Variants in ETV4 observed in about 807,000 individuals in gnomAD.
ETV4 encodes ETS variant transcription factor 4, also known as ETS translocation variant 4.
A neutral mutation model predicts 65.9 loss-of-function variants in ETV4; 42 were observed. The ratio of observed to expected loss-of-function variants is 0.64; its 90% CI spans 0.50 to 0.82. ETV4 has a LOEUF of 0.82. Ranked by LOEUF, ETV4 falls within the 40% of genes least tolerant of loss-of-function variation. The probability of loss-of-function intolerance (pLI) is 0.00; values close to 1 mark genes in which losing one functional copy is unlikely to be tolerated. For missense variants in ETV4, 583 were observed against 630.3 expected (o/e 0.92, Z 0.80); for synonymous variants, 238 against 260.0 (o/e 0.92, Z 0.81).
chr17:43,542,982 A>G (rs1181556157), intron 4 of ETV4, among the ~76,000 whole-genome samples: 1 of 152,070 alleles, frequency 6.6e-6, no homozygotes, highest in East Asian at 1.9e-4. Flanking sequence ...TGGTGGGAAG[A>G]GACAGGAGAG....
rs1396223176 is a variant in ETV4, at chr17:43,543,908, G to A, written c.202+1067C>T. The A allele has an allele frequency of 3.9e-5, 6 of 152,006 alleles. 1 individual carries two copies. The highest frequency in any genetic ancestry group is 3.9e-4 in the Admixed American group (6 of 15,252). 9.4% of individuals were successfully genotyped at this position (152,006 alleles called of 1,614,324 possible). On this transcript the variant is annotated intron_variant, in intron 4 of 12. Coordinates refer to ENST00000319349, the MANE Select transcript of ETV4 (RefSeq NM_001079675.5). Reference sequence around the variant, plus strand: ...GTCTCACTCCAAGGATCTAGTCAGGGGTCATTTTCTTTTTACTCCGAGCTT... The same window carrying A: ...GTCTCACTCCAAGGATCTAGTCAGGAGTCATTTTCTTTTTACTCCGAGCTT...
At chr17:43,534,952 A>G (rs1386096584) in intron 5 of ETV4, among the ~76,000 whole-genome samples, 1 of 152,180 alleles carries the variant, frequency 6.6e-6, no homozygotes, top group Non-Finnish European at 1.5e-5. Context: ...TAAATAAATA[A>G]ATAAAAGAAT....
chr17:43,538,889 G>C (rs1444807945), intron 4 of ETV4, among the ~76,000 whole-genome samples: 1 of 152,114 alleles, frequency 6.6e-6, no homozygotes, highest in Non-Finnish European at 1.5e-5. Context: ...TGCCCAGAGA[G>C]GTCAAAATGG....
At chr17:43,528,804 G>A in intron 12 of ETV4, 61 bp from the exon 13 acceptor site, 1 of 1,398,284 alleles carries the variant, frequency 7.2e-7, no homozygotes, top group Non-Finnish European at 1.0e-6. Flanking sequence ...TATGGGGTAA[G>A]GTGGGGGAGT....
chr17:43,527,996 A>G lies in ETV4; in HGVS notation c.*523T>C, dbSNP rs1970669798. 4 of 234,010 alleles carry G rather than the reference A, an allele frequency of 1.7e-5. No homozygotes were observed. Among genetic ancestry groups the G allele is most frequent in the Admixed American group, 5.6e-5 (1 of 17,788 alleles). The allele number at this position is 234,010 out of a possible 1,614,324, so 14.5% of individuals were successfully genotyped here. A position where few individuals can be genotyped will look rare whatever the true frequency, so the allele number is the denominator to read the frequency against. On this transcript the variant is annotated 3_prime_UTR_variant, in exon 13 of 13. Transcript: ENST00000319349. ...TCTCTGCTTATACCCAGCACCCCTC[A>G]TCCCAGGTTCCTTTCTTCAACCTCC...
At chr17:43,545,928 T>C (rs956514071) in intron 1 of ETV4, 15 of 500,786 alleles carry the variant, frequency 3.0e-5, no homozygotes, top group Non-Finnish European at 5.1e-5. Context: ...CTCGGTTACA[T>C]AAGAACGTGT....
intron 8 of ETV4, chr17:43,530,430 G>A: frequency 1.4e-6 from 2 of 1,399,890 alleles, no homozygotes; most frequent in Middle Eastern, 2.6e-4. Flanking sequence ...CGGGGGCTGG[G>A]CAAGCTGTTC....
chr17:43,545,655 G>T lies in ETV4; in HGVS notation c.-38C>A. ...TCCGGCCGCACGGCCGGGGCCCCAA[G>T]CGGGGGCCGAGACCTGGTGGGGGAG... On this transcript the variant is annotated 5_prime_UTR_variant, in exon 2 of 13. Coordinates refer to ENST00000319349, the MANE Select transcript of ETV4 (RefSeq NM_001079675.5). The T allele has an allele frequency of 6.5e-7, 1 of 1,545,202 alleles. No individual in the cohort carries two copies.
intron 8 of ETV4, among the ~76,000 whole-genome samples, chr17:43,531,478 GT>G (rs1970934222): frequency 6.6e-6 from 1 of 152,156 alleles, no homozygotes; most frequent in African/African-American, 2.4e-5. Context: ...GCTCAAATAT[GT>G]AAGCCACATA....
At chr17:43,540,664 C>A (rs933873213) in intron 4 of ETV4, among the ~76,000 whole-genome samples, 2 of 152,102 alleles carry the variant, frequency 1.3e-5, no homozygotes, top group African/African-American at 4.8e-5. Flanking sequence ...ACTTCAGCCA[C>A]CACAACCTTA....
Position 43,533,330 on chromosome 17 carries a change from T to A in ETV4, c.402A>T (p.Arg134Ser). 6.2e-7 allele frequency: 1 copy of A among 1,613,300 alleles called. No homozygotes were observed. The highest frequency in any genetic ancestry group is 1.1e-5 in the South Asian group (1 of 91,048). Residue 134 changes from arginine to serine, a missense_variant, in exon 7 of 13, where the codon AGA becomes AGT. Transcript: ENST00000319349. Reference protein sequence around the residue: ...CLYSSAYDPPRQIAIKSPAPG... With the variant: ...CLYSSAYDPPSQIAIKSPAPG... ...GGGCAGGGGACTTGATGGCGATTTGTCTGGGGGGGTCATAGGCACTGGAGT... is the reference window on the plus strand; with the variant it reads ...GGGCAGGGGACTTGATGGCGATTTGACTGGGGGGGTCATAGGCACTGGAGT...
intron 4 of ETV4, among the ~76,000 whole-genome samples, chr17:43,540,586 G>C (rs1334972353): frequency 6.6e-6 from 1 of 152,198 alleles, no homozygotes; most frequent in Admixed American, 6.5e-5. Context: ...TCCTGTGTCA[G>C]GCTTGAGTGC....
At chr17:43,533,723 C>A in intron 6 of ETV4, 136 bp downstream of exon 6, 1 of 1,152,432 alleles carries the variant, frequency 8.7e-7, no homozygotes, top group Non-Finnish European at 1.2e-6. Flanking sequence ...AGCTGTATTG[C>A]TTCCTTACAA....
At chr17:43,539,306 T>C (rs1257754695) in intron 4 of ETV4, among the ~76,000 whole-genome samples, 3 of 152,176 alleles carry the variant, frequency 2.0e-5, no homozygotes, top group Non-Finnish European at 4.4e-5. Flanking sequence ...AGATGCTTTC[T>C]TGCCTTTTTC....
At chr17:43,533,002 G>C in intron 7 of ETV4, 63 bp from the exon 8 acceptor site, 1 of 1,521,938 alleles carries the variant, frequency 6.6e-7, no homozygotes, top group Non-Finnish European at 8.8e-7. Context: ...CCTCGAGCCT[G>C]TTACTCCTAG....
intron 3 of ETV4, 77 bp downstream of exon 3, chr17:43,545,197 G>T (rs1026996723): frequency 7.7e-6 from 5 of 653,222 alleles, no homozygotes; most frequent in Non-Finnish European, 9.7e-6. Flanking sequence ...AATCGGCCGT[G>T]TGTGTGTGTG....
intron 4 of ETV4, among the ~76,000 whole-genome samples, chr17:43,543,550 C>G (rs1971637154): frequency 6.6e-6 from 1 of 152,114 alleles, no homozygotes. Flanking sequence ...GCCCGGTGAG[C>G]CAGAGAGAAA....
rs769166723 is a variant in ETV4, at chr17:43,528,594, A to G, written c.1380T>C (p.Asp460=). Residue 460 remains aspartate, a synonymous_variant, in exon 13 of 13, where the codon GAT becomes GAC. Transcript: ENST00000319349. ...EEDTVPLSHL[D]ESPAYLPELA... Reference sequence around the variant, plus strand: ...GCTCTGGGAGGTAGGCGGGGCTCTCATCCAAGTGGGACAAAGGGACTGTGT... The same window carrying G: ...GCTCTGGGAGGTAGGCGGGGCTCTCGTCCAAGTGGGACAAAGGGACTGTGT... 2 of 1,614,124 alleles carry G rather than the reference A, an allele frequency of 1.2e-6. No individual in the cohort carries two copies. Among genetic ancestry groups the G allele is most frequent in the South Asian group, 1.1e-5 (1 of 91,076 alleles).
chr17:43,532,098 A>G (rs1198643683), intron 8 of ETV4, among the ~76,000 whole-genome samples: 3 of 152,238 alleles, frequency 2.0e-5, no homozygotes, highest in Non-Finnish European at 4.4e-5. Flanking sequence ...TCCTGGGCTC[A>G]AACGATCCTC....
Sources: allele counts gnomAD v4.1 joint callset (sites outside exome capture counted in the v4.1 genomes callset), GRCh38; gene constraint gnomAD v4.1.1; transcripts MANE v1.5; gene names NCBI Gene and HGNC (gene_info 2026-07-23, HGNC 2026-07-21).